Variants in MECOM observed in about 807,000 individuals in gnomAD.
MECOM encodes histone-lysine N-methyltransferase MECOM.
MECOM carries 13 observed loss-of-function variants against 116.3 expected under a neutral mutation model. The observed-to-expected ratio is 0.11, with a 90% CI of 0.07 to 0.18. MECOM has a LOEUF of 0.18. Ranked by LOEUF, MECOM falls within the 10% of genes least tolerant of loss-of-function variation. MECOM has a pLI of 1.00. For synonymous variants in MECOM, 528 were observed against 535.2 expected (o/e 0.99, Z 0.19); for missense variants, 1,299 against 1,509.0 (o/e 0.86, Z 2.31).
At chr3:169,172,634 G>A (rs1437218388) in intron 2 of MECOM, among the ~76,000 whole-genome samples, 1 of 152,112 alleles carries the variant, frequency 6.6e-6, no homozygotes, top group Non-Finnish European at 1.5e-5. Context: ...GAATGATAAT[G>A]ACTAAGAGGA....
intron 2 of MECOM, among the ~76,000 whole-genome samples, chr3:169,369,582 T>C (rs1729756636): frequency 6.6e-6 from 1 of 151,814 alleles, no homozygotes; most frequent in Non-Finnish European, 1.5e-5. Flanking sequence ...ACTCCTGGGC[T>C]CAAATGATTC....
chr3:169,192,873 TG>T (rs1366121320), intron 2 of MECOM, among the ~76,000 whole-genome samples: 1 of 152,056 alleles, frequency 6.6e-6, no homozygotes, highest in African/African-American at 2.4e-5. Flanking sequence ...AGTGATATCT[TG>T]TTGTTTATTT....
chr3:169,259,424 T>G (rs1256069310), intron 2 of MECOM, among the ~76,000 whole-genome samples: 2 of 152,198 alleles, frequency 1.3e-5, no homozygotes, highest in Non-Finnish European at 2.9e-5. Flanking sequence ...ATACTTTATT[T>G]CTTCTGGCCA....
Position 169,433,683 on chromosome 3 carries a change from A to AAGAAAGAAAGAAAG in MECOM, c.38-52160_38-52159insCTTTCTTTCTTTCT, listed in dbSNP as rs946788070. The stretch of plus-strand genomic sequence containing the variant: ...AAAGAAAGAAAGAAAGAAAGAAAGA[A>AAGAAAGAAAGAAAG]AGAAAGAGAAAGAAAGAAAAGAAAG... On this transcript the variant is annotated intron_variant, in intron 1 of 16. Transcript: ENST00000651503. 2.7e-5 allele frequency among the ~76,000 whole-genome samples: 4 copies of AAGAAAGAAAGAAAG among 150,334 alleles called. No individual in the cohort carries two copies. In the East Asian group the frequency reaches 7.9e-4, roughly 30 times the overall value.
chr3:169,640,067 A>G (rs532074484), intron 1 of MECOM, among the ~76,000 whole-genome samples: 62 of 152,328 alleles, frequency 4.1e-4, no homozygotes, highest in African/African-American at 1.5e-3. Flanking sequence ...TGTTGCGTGT[A>G]TTGGTCAGAG....
At chr3:169,641,779 C>T (rs1002577317) in intron 1 of MECOM, among the ~76,000 whole-genome samples, 5 of 152,114 alleles carry the variant, frequency 3.3e-5, no homozygotes, top group African/African-American at 7.2e-5. Flanking sequence ...AAGCCAGTGG[C>T]AGAGATAGAA....
At chr3:169,347,312 AAG>A (rs1178089540) in intron 2 of MECOM, among the ~76,000 whole-genome samples, 6 of 152,076 alleles carry the variant, frequency 3.9e-5, no homozygotes, top group African/African-American at 1.4e-4. Flanking sequence ...TACATAGAGA[AAG>A]ATATCCAAAA....
At chr3:169,258,361 C>G (rs1053338276) in intron 2 of MECOM, among the ~76,000 whole-genome samples, 5 of 152,176 alleles carry the variant, frequency 3.3e-5, no homozygotes, top group Non-Finnish European at 7.3e-5. Flanking sequence ...TATTTACTTG[C>G]AATAACCTTC....
chr3:169,557,761 G>A (rs981722925), intron 1 of MECOM, among the ~76,000 whole-genome samples: 1 of 152,182 alleles, frequency 6.6e-6, no homozygotes, highest in Non-Finnish European at 1.5e-5. Flanking sequence ...GGCAAGGCAA[G>A]AAACACACTT....
In MECOM at chr3:169,444,736, G is replaced by A. The variant is rs181320988; in HGVS notation, c.38-63212C>T. Among the ~76,000 whole-genome samples the A allele has an allele frequency of 5.9e-5, 9 of 152,290 alleles. No homozygotes were observed. The East Asian group carries it at 1.7e-3, about 29-fold the overall frequency. On this transcript the variant is annotated intron_variant, in intron 1 of 16. Coordinates refer to ENST00000651503, the MANE Select transcript of MECOM (RefSeq NM_004991.4). ...CAGGCAGAGATTGGAACAGTTTGGAGGGCTCAGAAGAAGACAGGACAATGT... is the reference window on the plus strand; with the variant it reads ...CAGGCAGAGATTGGAACAGTTTGGAAGGCTCAGAAGAAGACAGGACAATGT...
intron 1 of MECOM, among the ~76,000 whole-genome samples, chr3:169,594,174 A>AAAAAAAAAAAAAAAAAAAAAAAAAAAAC (rs1255613781): frequency 1.9e-4 from 24 of 125,964 alleles, no homozygotes; most frequent in Middle Eastern, 4.0e-3. Context: ...AAAAAAAAAA[A>AAAAAAAAAAAAAAAAAAAAAAAAAAAAC]AACACCTTTT....
At chr3:169,404,819 C>G (rs942804371) in intron 1 of MECOM, among the ~76,000 whole-genome samples, 13 of 152,198 alleles carry the variant, frequency 8.5e-5, no homozygotes, top group Non-Finnish European at 1.6e-4. Flanking sequence ...CCCAAGGCCT[C>G]TGATTATTCT....
intron 1 of MECOM, among the ~76,000 whole-genome samples, chr3:169,428,424 G>A (rs965022478): frequency 4.6e-5 from 7 of 152,100 alleles, no homozygotes; most frequent in Non-Finnish European, 7.4e-5. Context: ...TATGAGAATC[G>A]AATGCTGTCA....
chr3:169,422,496 G>T (rs1356863507), intron 1 of MECOM, among the ~76,000 whole-genome samples: 3 of 151,964 alleles, frequency 2.0e-5, no homozygotes, highest in Non-Finnish European at 4.4e-5. Context: ...TTCATATTTG[G>T]TTGCTTCTTT....
intron 2 of MECOM, among the ~76,000 whole-genome samples, chr3:169,327,996 G>T (rs1022372479): frequency 2.6e-5 from 4 of 152,120 alleles, no homozygotes; most frequent in Non-Finnish European, 5.9e-5. Flanking sequence ...AGGAACAGCA[G>T]GATTAGACAG....
chr3:169,399,357 CA>C (rs753839861), intron 1 of MECOM, among the ~76,000 whole-genome samples: 18 of 151,766 alleles, frequency 1.2e-4, no homozygotes, highest in Non-Finnish European at 1.6e-4. Flanking sequence ...CTCTCATTTA[CA>C]AAAGTCATTG....
chr3:169,425,929 G>A (rs1740593106), intron 1 of MECOM, among the ~76,000 whole-genome samples: 1 of 152,060 alleles, frequency 6.6e-6, no homozygotes, highest in Non-Finnish European at 1.5e-5. Flanking sequence ...TTTGGTAACA[G>A]GATCTATACA....
intron 1 of MECOM, among the ~76,000 whole-genome samples, chr3:169,424,026 C>CA (rs1740220651): frequency 6.6e-6 from 1 of 151,922 alleles, no homozygotes; most frequent in South Asian, 2.1e-4. Flanking sequence ...TGCAACAAGC[C>CA]AAAAAATGTA....
chr3:169,565,849 T>G, intron 1 of MECOM: 1 of 368,344 alleles, frequency 2.7e-6, no homozygotes. Context: ...GTCAGGGAGG[T>G]TTGGCAGCCC....
Sources: gnomAD v4.1 joint callset for allele counts (sites outside exome capture counted in the v4.1 genomes callset) on GRCh38, gnomAD v4.1.1 for gene constraint, MANE v1.5 for transcripts, NCBI Gene and HGNC (gene_info 2026-07-23, HGNC 2026-07-21) for gene names.